ABCG2: variants seen among roughly 807,000 people sequenced by gnomAD.
ABCG2 encodes the protein ATP binding cassette subfamily G member 2 (JR blood group).
In ABCG2, 80 loss-of-function variants were observed where a neutral mutation model predicts 73.5. The observed-to-expected ratio is 1.09, with a 90% CI of 0.91 to 1.31. ABCG2 has a LOEUF of 1.31. Among genes scored for constraint, ABCG2 ranks in the 50% most tolerant of loss-of-function variants. The pLI is 0.00. For missense variants in ABCG2, 796 were observed against 786.2 expected (o/e 1.01, Z -0.15); for synonymous variants, 269 against 282.4 (o/e 0.95, Z 0.48).
chr4:88,188,548 G>A (rs930595453), intron 1 of ABCG2, among the ~76,000 whole-genome samples: 5 of 152,250 alleles, frequency 3.3e-5, no homozygotes, highest in African/African-American at 9.6e-5. Flanking sequence ...CAGGAAGTGT[G>A]AGACTTCCAA....
chr4:88,197,487 A>G (rs1406682541), intron 1 of ABCG2, among the ~76,000 whole-genome samples: 2 of 151,790 alleles, frequency 1.3e-5, no homozygotes, highest in Non-Finnish European at 2.9e-5. Flanking sequence ...ATGGTGGCAT[A>G]TACCTGTAGT....
chr4:88,160,939 G>C (rs1013241173), upstream of ABCG2, among the ~76,000 whole-genome samples: 47 of 151,472 alleles, frequency 3.1e-4, no homozygotes, highest in Non-Finnish European at 5.9e-5. Context: ...ACTTTGGGAG[G>C]CAGAGGCCAA....
intron 1 of ABCG2, among the ~76,000 whole-genome samples, chr4:88,153,209 A>G (rs1290534715): frequency 3.2e-5 from 2 of 63,216 alleles, no homozygotes; most frequent in African/African-American, 6.8e-5. Context: ...AACAGTGTAA[A>G]CCGGCAGTGT....
intron 1 of ABCG2, among the ~76,000 whole-genome samples, chr4:88,200,242 C>T (rs1729105379): frequency 1.3e-5 from 2 of 151,972 alleles, no homozygotes; most frequent in South Asian, 4.2e-4. Flanking sequence ...ATGGGAGGAT[C>T]ACTTGAGCCT....
At chr4:88,177,697 G>A (rs1382784200) in intron 1 of ABCG2, among the ~76,000 whole-genome samples, 1 of 152,074 alleles carries the variant, frequency 6.6e-6, no homozygotes, top group African/African-American at 2.4e-5. Flanking sequence ...CTTGAATTGC[G>A]GACACCACCC....
intron 1 of ABCG2, among the ~76,000 whole-genome samples, chr4:88,176,477 C>CTTTTTTTTT (rs34754034): frequency 2.4e-5 from 2 of 84,858 alleles, no homozygotes; most frequent in African/African-American, 9.0e-5. Flanking sequence ...AAAGAGAATG[C>CTTTTTTTTT]TTTTTTTTTT....
chr4:88,107,866 C>T (rs1722864098), intron 9 of ABCG2, among the ~76,000 whole-genome samples: 1 of 152,120 alleles, frequency 6.6e-6, no homozygotes, highest in Non-Finnish European at 1.5e-5. Flanking sequence ...CTAGGGAGTC[C>T]ATGCCTGCAC....
Position 88,094,590 on chromosome 4 carries a change from A to G in ABCG2, c.1807T>C (p.Cys603Arg), listed in dbSNP as rs978144569. The G allele has an allele frequency of 6.2e-7, 1 of 1,613,756 alleles. No individual in the cohort carries two copies. Among genetic ancestry groups the G allele is most frequent in the African/African-American group, 1.3e-5 (1 of 74,942 alleles). ...ACAAAAACTTACGTTGCATAGTTAC[A>G]AGGATTGTTTCCTGTTGCATTGAGT... ...PGLNATGNNPCNYATCTGEEY... is the reference protein window; with the variant it reads ...PGLNATGNNPRNYATCTGEEY... Residue 603 changes from cysteine (C) to arginine (R), a missense_variant, in exon 15 of 16, where the codon TGT (cysteine) becomes CGT (arginine). Coordinates refer to ENST00000237612, the MANE Select transcript of ABCG2 (RefSeq NM_004827.3).
chr4:88,190,984 C>T (rs1178580060), intron 1 of ABCG2, among the ~76,000 whole-genome samples: 1 of 151,944 alleles, frequency 6.6e-6, no homozygotes, highest in African/African-American at 2.4e-5. Flanking sequence ...CGCCTGTAAT[C>T]CCAGCACTTT....
At chr4:88,206,878 T>C (rs1729401213) in intron 1 of ABCG2, among the ~76,000 whole-genome samples, 1 of 152,154 alleles carries the variant, frequency 6.6e-6, no homozygotes, top group Admixed American at 6.6e-5. Context: ...TTTACAATCC[T>C]TTAGCTAACA....
At chr4:88,194,713 G>A (rs1483238922) in intron 1 of ABCG2, among the ~76,000 whole-genome samples, 2 of 151,998 alleles carry the variant, frequency 1.3e-5, no homozygotes, top group Non-Finnish European at 2.9e-5. Flanking sequence ...TTGATCCTGA[G>A]ATAGGAGTGG....
chr4:88,188,267 T>C (rs185527450), intron 1 of ABCG2, among the ~76,000 whole-genome samples: 1 of 152,326 alleles, frequency 6.6e-6, no homozygotes, highest in Admixed American at 6.5e-5. Context: ...TTGGCACATT[T>C]GTTGAAAATC....
upstream of ABCG2, chr4:88,159,153 C>A: frequency 2.2e-6 from 1 of 456,298 alleles, no homozygotes; most frequent in Non-Finnish European, 4.4e-6. Flanking sequence ...ACGGAATGAA[C>A]CAGAGTGATT....
chr4:88,144,862 T>C (rs1244761736), intron 1 of ABCG2, among the ~76,000 whole-genome samples: 1 of 152,226 alleles, frequency 6.6e-6, no homozygotes, highest in Non-Finnish European at 1.5e-5. Context: ...CTCAATTTTT[T>C]TACTCTTTAT....
chr4:88,146,912 AAG>A, intron 1 of ABCG2, among the ~76,000 whole-genome samples: 1 of 137,466 alleles, frequency 7.3e-6, no homozygotes, highest in South Asian at 2.8e-4. Flanking sequence ...GGAAGGAAGG[AAG>A]GAAGGAAGGA....
upstream of ABCG2, among the ~76,000 whole-genome samples, chr4:88,160,710 A>T (rs926071353): frequency 2.6e-5 from 4 of 151,834 alleles, no homozygotes; most frequent in Non-Finnish European, 4.4e-5. Flanking sequence ...TTAGCCGGGC[A>T]TGGTGGCTCA....
intron 7 of ABCG2, among the ~76,000 whole-genome samples, chr4:88,117,434 A>G (rs912716007): frequency 6.6e-6 from 1 of 152,126 alleles, no homozygotes; most frequent in Non-Finnish European, 1.5e-5. Context: ...GATCAAGACC[A>G]TCCTCCTGGC....
chr4:88,197,648 T>A (rs138411100), intron 1 of ABCG2, among the ~76,000 whole-genome samples: 168 of 151,594 alleles, frequency 1.1e-3, no homozygotes, highest in African/African-American at 3.6e-3. Flanking sequence ...CTAAAAAAAA[T>A]TTTTAAATGA....
In ABCG2 at chr4:88,101,078, A is replaced by T. The variant is rs1722374866; in HGVS notation, c.1367+152T>A. On this transcript the variant is annotated intron_variant, in intron 11 of 15. Coordinates refer to ENST00000237612, the MANE Select transcript of ABCG2 (RefSeq NM_004827.3). ...ACATCATGTTGTATATGATCAATAT[A>T]TACAATTTTTATTCATCAATTTAAA... The T allele has an allele frequency of 1.8e-5, 11 of 605,446 alleles. No homozygotes were observed. The South Asian group carries it at 2.6e-4, about 14-fold the overall frequency. 37.5% of individuals were successfully genotyped at this position (605,446 alleles called of 1,614,324 possible). A position where few individuals can be genotyped will look rare whatever the true frequency, so the allele number is the denominator to read the frequency against.
Sources: allele counts gnomAD v4.1 joint callset (sites outside exome capture counted in the v4.1 genomes callset), GRCh38; gene constraint gnomAD v4.1.1; transcripts MANE v1.5; gene names NCBI Gene and HGNC (gene_info 2026-07-23, HGNC 2026-07-21).